TMSB15B: variants seen among roughly 807,000 people sequenced by gnomAD.
TMSB15B encodes the protein thymosin beta 15B.
chrX:103,919,283 C>T (rs2074944005), exon 1 of TMSB15B: 1 of 112,646 alleles, frequency 8.9e-6, no homozygotes, highest in Non-Finnish European at 1.9e-5. Context: ...GGCCCATTTC[C>T]CTTTCATCTG....
chrX:103,924,945 G>T (rs1220067036), intron 1 of TMSB15B, among the ~76,000 whole-genome samples: 2 of 111,704 alleles, frequency 1.8e-5, no homozygotes, highest in Non-Finnish European at 3.8e-5. Flanking sequence ...CTTCCCATTC[G>T]TGGAAGAAAG....
chrX:103,926,181 T>C (rs1445709372), intron 1 of TMSB15B, among the ~76,000 whole-genome samples: 1 of 109,973 alleles, frequency 9.1e-6, no homozygotes, highest in Admixed American at 9.7e-5. Context: ...CTTAAGGCCA[T>C]CATGGAATGC....
At chrX:103,952,469 C>A (rs2075041267) in intron 1 of TMSB15B, among the ~76,000 whole-genome samples, 1 of 110,888 alleles carries the variant, frequency 9.0e-6, no homozygotes, top group Non-Finnish European at 1.9e-5. Context: ...AGAGAAAAAT[C>A]ATCTGCTCCT....
chrX:103,928,079 C>T, intron 1 of TMSB15B: 2 of 1,007,476 alleles, frequency 2.0e-6, no homozygotes, highest in East Asian at 3.1e-5. Context: ...CTTCCACCTG[C>T]ACCCAGTTGT....
chrX:103,928,702 C>G, intron 1 of TMSB15B: 1 of 1,158,270 alleles, frequency 8.6e-7, no homozygotes, highest in Non-Finnish European at 1.2e-6. Flanking sequence ...GCAGGATGGC[C>G]TGGCAGAGCA....
At chrX:103,935,346 T>G (rs1177149137) in intron 1 of TMSB15B, among the ~76,000 whole-genome samples, 1 of 112,102 alleles carries the variant, frequency 8.9e-6, no homozygotes, top group Non-Finnish European at 1.9e-5. Flanking sequence ...CTTTAGTTAG[T>G]TAGATCCCAT....
At chrX:103,947,153 A>G (rs1556327535) in intron 1 of TMSB15B, among the ~76,000 whole-genome samples, 1 of 111,922 alleles carries the variant, frequency 8.9e-6, no homozygotes, top group African/African-American at 3.2e-5. Flanking sequence ...ATGAATAAAT[A>G]AATTGTAGTA....
chrX:103,928,162 A>G, intron 1 of TMSB15B: 1 of 1,167,225 alleles, frequency 8.6e-7, no homozygotes, highest in Non-Finnish European at 1.2e-6. Context: ...AGGCTCCAGG[A>G]AAGAAAAGCT....
intron 1 of TMSB15B, among the ~76,000 whole-genome samples, chrX:103,926,683 T>C (rs2074969062): frequency 9.0e-6 from 1 of 110,739 alleles, no homozygotes; most frequent in Non-Finnish European, 1.9e-5. Flanking sequence ...GTGTGGCTTC[T>C]ACTCCTCCAT....
At chrX:103,920,851 C>T (rs147896942) in intron 1 of TMSB15B, among the ~76,000 whole-genome samples, 3,232 of 112,423 alleles carry the variant, frequency 0.029, 67 homozygotes, top group Admixed American at 0.056. Context: ...GAAGGAGCAA[C>T]TCCATGGAAA....
chrX:103,920,069 G>A (rs57247277), intron 1 of TMSB15B, among the ~76,000 whole-genome samples: 3,469 of 111,578 alleles, frequency 0.031, 145 homozygotes, highest in African/African-American at 0.11. Flanking sequence ...TCTTTCCTTC[G>A]TTTTTTTAAA....
Position 103,921,557 on chromosome X carries a change from G to A in TMSB15B, c.-721+2265G>A, listed in dbSNP as rs1298852757. Among the ~76,000 whole-genome samples the A allele has an allele frequency of 4.4e-4, 49 of 111,917 alleles. No homozygotes were observed. The Admixed American group carries it at 4.6e-3, about 10-fold the overall frequency. ...GCGAGAGACATTTTGTGCAGGGATG[G>A]GGGGAGTATTTGCAACCTGGCTCCA... On this transcript the variant is annotated intron_variant, in intron 1 of 3. Transcript: ENST00000419165.
chrX:103,939,626 G>A (rs181793091), intron 1 of TMSB15B, among the ~76,000 whole-genome samples: 1 of 110,758 alleles, frequency 9.0e-6, no homozygotes, highest in African/African-American at 3.3e-5. Context: ...GGAGGAATCT[G>A]TTATTACCGA....
At chrX:103,950,550 T>C (rs2075036585) in intron 1 of TMSB15B, among the ~76,000 whole-genome samples, 2 of 109,685 alleles carry the variant, frequency 1.8e-5, no homozygotes, top group East Asian at 5.7e-4. Context: ...GTAAAAGAGA[T>C]TTGCATCAAA....
At chrX:103,942,838 A>G (rs2075015992) in intron 1 of TMSB15B, among the ~76,000 whole-genome samples, 2 of 111,823 alleles carry the variant, frequency 1.8e-5, no homozygotes, top group South Asian at 7.4e-4. Flanking sequence ...GCAGATTATC[A>G]TAAATGGGAT....
chrX:103,923,992 C>T (rs1376997745), intron 1 of TMSB15B, among the ~76,000 whole-genome samples: 13 of 111,901 alleles, frequency 1.2e-4, no homozygotes, highest in African/African-American at 4.2e-4. Context: ...TATGGAACAA[C>T]TTATATACCA....
In TMSB15B at chrX:103,949,250, C is replaced by G. The variant is rs782759295; in HGVS notation, c.-720-12771C>G. Reference sequence around the variant, plus strand: ...TTCTGCAGGGACTTTGACTCTGACTCCAAGTGGAATACGGTGTCTTTGCAG... The same window carrying G: ...TTCTGCAGGGACTTTGACTCTGACTGCAAGTGGAATACGGTGTCTTTGCAG... On this transcript the variant is annotated intron_variant, in intron 1 of 3. Coordinates refer to the TMSB15B transcript ENST00000419165. Among the ~76,000 whole-genome samples the G allele has an allele frequency of 1.2e-3, 135 of 111,669 alleles. 1 individual carries two copies. In the South Asian group the frequency reaches 0.049, roughly 41 times the overall value.
intron 1 of TMSB15B, among the ~76,000 whole-genome samples, chrX:103,947,705 A>C (rs2075028948): frequency 8.9e-6 from 1 of 111,848 alleles, no homozygotes; most frequent in African/African-American, 3.2e-5. Context: ...CTTTTTGCAA[A>C]ATATATTGCT....
intron 1 of TMSB15B, among the ~76,000 whole-genome samples, chrX:103,937,793 C>T (rs1340224773): frequency 1.6e-4 from 18 of 111,776 alleles, no homozygotes; most frequent in Admixed American, 1.5e-3. Context: ...CCTGCTGTCT[C>T]CTGTGGGCAT....
Sources: allele counts gnomAD v4.1 joint callset (sites outside exome capture counted in the v4.1 genomes callset), GRCh38; gene constraint gnomAD v4.1.1; transcripts MANE v1.5; gene names NCBI Gene and HGNC (gene_info 2026-07-23, HGNC 2026-07-21).